MCPH1: variants seen among roughly 807,000 people sequenced by gnomAD.
MCPH1 encodes the protein microcephalin.
MCPH1 carries 104 observed loss-of-function variants against 84.5 expected under a neutral mutation model. The observed-to-expected ratio is 1.23, with a 90% confidence interval of 1.05 to 1.45. MCPH1 has a LOEUF of 1.45. MCPH1 is among the 40% of genes most tolerant of loss of function. The pLI is 0.00. For missense variants in MCPH1, 1,498 were observed against 1,005.7 expected (o/e 1.49, Z -6.62); for synonymous variants, 514 against 366.8 (o/e 1.40, Z -4.58).
At chr8:6,459,660 A>G (rs907369501) in intron 9 of MCPH1, among the ~76,000 whole-genome samples, 12 of 152,250 alleles carry the variant, frequency 7.9e-5, no homozygotes, top group Admixed American at 1.3e-4. Context: ...GCCAGCCTAC[A>G]TGCTATTTCT....
chr8:6,409,483 G>C (rs913216845), intron 2 of MCPH1, 113 bp downstream of exon 2: 13 of 822,274 alleles, frequency 1.6e-5, no homozygotes, highest in African/African-American at 1.2e-4. Context: ...CGAAGCAATG[G>C]GTAAGCGGTG....
Position 6,621,488 on chromosome 8 carries a change from C to T in MCPH1, c.2249C>T (p.Pro750Leu), listed in dbSNP as rs765181940. 3 of 1,614,120 alleles carry T rather than the reference C, an allele frequency of 1.9e-6. No homozygotes were observed. The highest frequency in any genetic ancestry group is 1.7e-6 in the Non-Finnish European group (2 of 1,180,018). ...AGCGAGTGCCACTTGTCTGCAGGGC[C>T]GTACCGCGGAACCCTCTTTGCCGAC... The part of the protein sequence containing the change: ...CRSECHLSAG[P>L]YRGTLFADQP... Residue 750 changes from proline to leucine, a missense_variant, in exon 13 of 14, where the codon CCG becomes CTG. Physicochemically the swap from Pro to Leu is moderately conservative, Grantham distance 98. Transcript: ENST00000344683.
At chr8:6,447,444 A>G (rs929770101) in intron 8 of MCPH1, 1 of 984,564 alleles carries the variant, frequency 1.0e-6, no homozygotes, top group African/African-American at 1.7e-5. Flanking sequence ...TGTTGTCAGT[A>G]TCTAAGATAC....
At chr8:6,519,942 A>G (rs1816998022) in intron 12 of MCPH1, 3 of 1,614,056 alleles carry the variant, frequency 1.9e-6, no homozygotes, top group African/African-American at 2.7e-5. Flanking sequence ...ATACTTCAGC[A>G]CAGTCTCTGA....
Position 6,486,549 on chromosome 8 carries a change from T to G in MCPH1, c.2136+5673T>G, listed in dbSNP as rs544771169. Among the ~76,000 whole-genome samples, 310 of 152,340 alleles carry G rather than the reference T, an allele frequency of 2.0e-3. 2 individuals carry two copies. Among genetic ancestry groups the G allele is most frequent in the African/African-American group, 7.1e-3 (297 of 41,578 alleles). On this transcript the variant is annotated intron_variant, in intron 11 of 13. Transcript: ENST00000344683. ...AGTCTTATCAGAAACTGTGGCGATT[T>G]TATAACAAAGTTCAGTTTGAATTTT... is the stretch of plus-strand genomic sequence containing the variant.
At chr8:6,602,254 A>G (rs1167766800) in intron 12 of MCPH1, among the ~76,000 whole-genome samples, 1 of 152,212 alleles carries the variant, frequency 6.6e-6, no homozygotes, top group Non-Finnish European at 1.5e-5. Context: ...AAGCACCAAG[A>G]GCAGGGCGGT....
chr8:6,468,596 T>A (rs546554113), intron 9 of MCPH1, among the ~76,000 whole-genome samples: 2 of 152,110 alleles, frequency 1.3e-5, no homozygotes, highest in East Asian at 3.8e-4. Flanking sequence ...GATGTATTGT[T>A]TGAACACTTT....
intron 3 of MCPH1, among the ~76,000 whole-genome samples, chr8:6,418,871 C>T (rs2515491): frequency 0.71 from 107,857 of 152,074 alleles, 40,153 homozygotes; most frequent in Non-Finnish European, 0.8. Flanking sequence ...TGAGCCACAG[C>T]GCCCGGCCAG....
intron 12 of MCPH1, among the ~76,000 whole-genome samples, chr8:6,555,562 A>T (rs185540861): frequency 6.6e-6 from 1 of 151,554 alleles, no homozygotes; most frequent in African/African-American, 2.4e-5. Context: ...CCTGGGTTCA[A>T]ATGATCCACC....
At chr8:6,478,351 C>A (rs1484957307) in intron 10 of MCPH1, among the ~76,000 whole-genome samples, 1 of 151,896 alleles carries the variant, frequency 6.6e-6, no homozygotes, top group Admixed American at 6.6e-5. Flanking sequence ...GGGGGTCACT[C>A]AAAATTTTTG....
intron 11 of MCPH1, among the ~76,000 whole-genome samples, chr8:6,497,244 G>A (rs1811337826): frequency 6.6e-6 from 1 of 151,782 alleles, no homozygotes; most frequent in African/African-American, 2.4e-5. Flanking sequence ...ACGTTGAGAG[G>A]CCGAAGCAGG....
chr8:6,426,637 A>G (rs1258536557), intron 3 of MCPH1, among the ~76,000 whole-genome samples: 1 of 152,232 alleles, frequency 6.6e-6, no homozygotes, highest in Admixed American at 6.5e-5. Flanking sequence ...GTTACAATGG[A>G]CATTTACATT....
chr8:6,455,102 A>T, intron 8 of MCPH1, 41 bp from the exon 9 acceptor site: 1 of 1,478,990 alleles, frequency 6.8e-7, no homozygotes, highest in Admixed American at 1.7e-5. Flanking sequence ...TATTTGGTCC[A>T]TGTAAAGTTC....
intron 13 of MCPH1, chr8:6,625,862 C>G (rs749543048): frequency 5.1e-6 from 5 of 985,300 alleles, no homozygotes; most frequent in African/African-American, 1.7e-5. Flanking sequence ...TTGCAGATGT[C>G]GTAAACTCAC....
At chr8:6,522,609 A>G (rs1167821173) in intron 12 of MCPH1, among the ~76,000 whole-genome samples, 2 of 151,814 alleles carry the variant, frequency 1.3e-5, no homozygotes, top group African/African-American at 4.8e-5. Flanking sequence ...CCCTCTCTCT[A>G]CTAAAAATAC....
chr8:6,512,624 G>T (rs930763694), intron 12 of MCPH1, among the ~76,000 whole-genome samples: 1 of 152,156 alleles, frequency 6.6e-6, no homozygotes, highest in African/African-American at 2.4e-5. Context: ...ATTTCGGAGT[G>T]CCTCTATGTG....
intron 11 of MCPH1, among the ~76,000 whole-genome samples, chr8:6,483,582 G>T (rs1809492742): frequency 6.6e-6 from 1 of 152,148 alleles, no homozygotes; most frequent in African/African-American, 2.4e-5. Flanking sequence ...AAGTGGTGCT[G>T]GAGCAGTTGG....
chr8:6,621,790 G>A (rs1024755866), intron 13 of MCPH1, 99 bp downstream of exon 13: 3 of 1,523,526 alleles, frequency 2.0e-6, no homozygotes, highest in African/African-American at 1.4e-5. Flanking sequence ...CCACGCAGCT[G>A]GGGCACCTGG....
rs757700603 is a variant in MCPH1 at position 6,444,489 on chromosome 8, A to G, written c.767A>G (p.Asn256Ser). ...GAAAGGAAGTTGGAAGGATCCATTA[A>G]TGACATTAAAAGTGATGTGTGTATT... ...NQERKLEGSI[N>S]DIKSDVCISS... Residue 256 changes from asparagine to serine, a missense_variant, in exon 8 of 14, where the codon AAT becomes AGT. Asn to Ser is a conservative substitution (Grantham distance 46). Transcript: ENST00000344683. 1.2e-6 allele frequency: 2 copies of G among 1,614,206 alleles called. No individual in the cohort carries two copies. The highest frequency in any genetic ancestry group is 1.3e-5 in the African/African-American group (1 of 75,068).
Sources: allele counts gnomAD v4.1 joint callset (sites outside exome capture counted in the v4.1 genomes callset), GRCh38; gene constraint gnomAD v4.1.1; transcripts MANE v1.5; gene names NCBI Gene and HGNC (gene_info 2026-07-23, HGNC 2026-07-21).